Variants in TBXAS1 observed in about 807,000 individuals in gnomAD.
TBXAS1 encodes the protein thromboxane-A synthase.
A neutral mutation model predicts 60.7 loss-of-function variants in TBXAS1; 48 were observed. The ratio of observed to expected loss-of-function variants is 0.79; its 90% CI spans 0.63 to 1.01. The LOEUF (loss-of-function observed/expected upper bound fraction) is 1.01. TBXAS1 is among the 50% of genes least tolerant of loss of function. The pLI is 0.00. For missense variants in TBXAS1, 685 were observed against 686.3 expected, an observed-to-expected ratio of 1.00 and a Z score of 0.02; for synonymous variants, 287 against 269.7, an observed-to-expected ratio of 1.06 and a Z score of -0.63.
intron 1 of TBXAS1, among the ~76,000 whole-genome samples, chr7:139,843,114 CT>C (rs1799573300): frequency 6.6e-6 from 1 of 152,146 alleles, no homozygotes; most frequent in African/African-American, 2.4e-5. Flanking sequence ...ACTGACATGC[CT>C]GTTCCCTCCA....
At chr7:139,977,903 A>G (rs571152645) in intron 9 of TBXAS1, among the ~76,000 whole-genome samples, 1 of 152,342 alleles carries the variant, frequency 6.6e-6, no homozygotes, top group East Asian at 1.9e-4. Context: ...CCTGTTAACC[A>G]AAAATATTGG....
At chr7:139,997,401 T>C (rs1318238408) in intron 9 of TBXAS1, among the ~76,000 whole-genome samples, 1 of 152,160 alleles carries the variant, frequency 6.6e-6, no homozygotes, top group African/African-American at 2.4e-5. Flanking sequence ...AAAAACAGAA[T>C]CCTAAATATT....
At chr7:139,909,816 CCCTGAAAGTATAATTTCATACA>C (rs2117042790) in intron 3 of TBXAS1, among the ~76,000 whole-genome samples, 1 of 152,306 alleles carries the variant, frequency 6.6e-6, no homozygotes, top group South Asian at 2.1e-4. Context: ...CAAATTACAT[CCCTGAAAGTATAATTTCATACA>C]CCGAAAACAT....
At chr7:139,996,863 C>T (rs781145654) in intron 9 of TBXAS1, among the ~76,000 whole-genome samples, 25 of 152,232 alleles carry the variant, frequency 1.6e-4, no homozygotes, top group Non-Finnish European at 3.4e-4. Flanking sequence ...GCTGATAAGG[C>T]TTCTCTCTTT....
At chr7:139,940,257 G>A (rs999600329) in intron 5 of TBXAS1, among the ~76,000 whole-genome samples, 1 of 152,112 alleles carries the variant, frequency 6.6e-6, no homozygotes, top group Non-Finnish European at 1.5e-5. Flanking sequence ...ATGGGTGGAG[G>A]GGACAAAATG....
chr7:139,926,294 T>C (rs909685692), intron 4 of TBXAS1, among the ~76,000 whole-genome samples: 1 of 152,212 alleles, frequency 6.6e-6, no homozygotes, highest in Non-Finnish European at 1.5e-5. Flanking sequence ...TTTTCTTTGC[T>C]GGGAGACTTT....
intron 1 of TBXAS1, among the ~76,000 whole-genome samples, chr7:139,833,837 G>A (rs1490826631): frequency 6.6e-6 from 1 of 151,968 alleles, no homozygotes; most frequent in African/African-American, 2.4e-5. Context: ...TAAGAAATGT[G>A]GTAGACAGCA....
At chr7:139,907,445 A>C (rs1430639395) in intron 3 of TBXAS1, among the ~76,000 whole-genome samples, 1 of 152,098 alleles carries the variant, frequency 6.6e-6, no homozygotes, top group Non-Finnish European at 1.5e-5. Flanking sequence ...TTTTGTGTTT[A>C]AGGTCATGAG....
chr7:139,906,046 T>C (rs750543617), intron 3 of TBXAS1: 1 of 368,058 alleles, frequency 2.7e-6, no homozygotes, highest in Non-Finnish European at 5.3e-6. Flanking sequence ...ATATTTTGCC[T>C]ATGGATGCCA....
At chr7:139,828,134 A>G (rs1049987961), upstream of TBXAS1, among the ~76,000 whole-genome samples, 1 of 152,090 alleles carries the variant, frequency 6.6e-6, no homozygotes, top group East Asian at 1.9e-4. Flanking sequence ...AGGTTTGGTC[A>G]TTTAACATAA....
chr7:139,821,388 C>T (rs1401158699), intron 4 of TBXAS1, among the ~76,000 whole-genome samples: 1 of 152,156 alleles, frequency 6.6e-6, no homozygotes, highest in Non-Finnish European at 1.5e-5. Context: ...TGGGAGTGAA[C>T]AGCCTGTGAT....
intron 10 of TBXAS1, among the ~76,000 whole-genome samples, chr7:140,010,348 C>T (rs3823715): frequency 0.46 from 70,181 of 152,054 alleles, 18,139 homozygotes; most frequent in African/African-American, 0.7. Flanking sequence ...CTTGGACTTA[C>T]TCATAAAAGA....
At chr7:139,913,930 G>C (rs1464275070) in intron 4 of TBXAS1, 1 of 152,646 alleles carries the variant, frequency 6.6e-6, no homozygotes, top group Non-Finnish European at 1.5e-5. Flanking sequence ...GCTCTGGAGA[G>C]ACCTGACCTC....
intron 5 of TBXAS1, among the ~76,000 whole-genome samples, chr7:139,942,394 G>T (rs1269026937): frequency 6.6e-6 from 1 of 152,190 alleles, no homozygotes. Flanking sequence ...TAACTTCCTG[G>T]TTGGCTACTG....
At chr7:139,875,744 A>G in intron 3 of TBXAS1, 107 bp downstream of exon 3, 1 of 1,378,200 alleles carries the variant, frequency 7.3e-7, no homozygotes, top group Admixed American at 1.8e-5. Flanking sequence ...AAGATTAGGA[A>G]TGTTGTATGT....
At chr7:139,969,483 G>T (rs1432008365) in intron 9 of TBXAS1, among the ~76,000 whole-genome samples, 1 of 102,458 alleles carries the variant, frequency 9.8e-6, no homozygotes. Context: ...AAAAAAAAAA[G>T]CCGTTTTACC....
intron 9 of TBXAS1, among the ~76,000 whole-genome samples, chr7:140,005,219 A>G (rs55935961): frequency 9.2e-5 from 14 of 152,360 alleles, no homozygotes; most frequent in Non-Finnish European, 2.1e-4. Flanking sequence ...ACTTGAGGTC[A>G]GAAGTTGGAG....
chr7:139,799,217 C>T (rs997023424), intron 4 of TBXAS1, among the ~76,000 whole-genome samples: 6 of 147,508 alleles, frequency 4.1e-5, no homozygotes, highest in African/African-American at 1.0e-4. Flanking sequence ...CACAGGTGCA[C>T]GCCATCAAGC....
At chr7:139,876,347 T>C (rs1802234790) in intron 3 of TBXAS1, among the ~76,000 whole-genome samples, 1 of 152,228 alleles carries the variant, frequency 6.6e-6, no homozygotes, top group Admixed American at 6.5e-5. Context: ...ATTCAAGATT[T>C]AACAGGCTTG....
Sources: gnomAD v4.1 joint callset for allele counts (sites outside exome capture counted in the v4.1 genomes callset) on GRCh38, gnomAD v4.1.1 for gene constraint, MANE v1.5 for transcripts, NCBI Gene and HGNC (gene_info 2026-07-23, HGNC 2026-07-21) for gene names.